Variants in TSPAN9 observed in about 807,000 individuals in gnomAD.
TSPAN9 encodes the protein tetraspanin-9.
A neutral mutation model predicts 31.0 loss-of-function variants in TSPAN9; 16 were observed. That is an observed-to-expected ratio of 0.52 (90% CI 0.35 to 0.78). The LOEUF (loss-of-function observed/expected upper bound fraction) is 0.78, where lower values mean the gene tolerates loss of function less well. TSPAN9 is among the 30% of genes least tolerant of loss of function. The pLI, the probability that TSPAN9 is intolerant of heterozygous loss-of-function variation, is 0.01. For synonymous variants in TSPAN9, 145 were observed against 121.6 expected (o/e 1.19, Z -1.27); for missense variants, 272 against 312.5 (o/e 0.87, Z 0.98).
At chr12:3,132,862 G>T (rs2098330417) in intron 2 of TSPAN9, among the ~76,000 whole-genome samples, 1 of 151,976 alleles carries the variant, frequency 6.6e-6, no homozygotes, top group Non-Finnish European at 1.5e-5. Context: ...TGTCAGGTAG[G>T]TCAGGGTGAG....
chr12:3,224,164 C>T (rs1055566718), intron 3 of TSPAN9, among the ~76,000 whole-genome samples: 6 of 152,216 alleles, frequency 3.9e-5, no homozygotes, highest in Non-Finnish European at 7.3e-5. Flanking sequence ...CAGACATAGC[C>T]TACTCCTTCT....
intron 3 of TSPAN9, among the ~76,000 whole-genome samples, chr12:3,268,705 C>A (rs1204283641): frequency 1.8e-5 from 1 of 55,626 alleles, no homozygotes; most frequent in Non-Finnish European, 3.3e-5. Context: ...GCCTGCCCTC[C>A]GTGCGTTCCT....
At chr12:3,134,830 C>T (rs959994638) in intron 2 of TSPAN9, among the ~76,000 whole-genome samples, 1 of 152,076 alleles carries the variant, frequency 6.6e-6, no homozygotes, top group African/African-American at 2.4e-5. Context: ...CGATCACAGT[C>T]CAGGGTGGAT....
At chr12:3,174,456 T>C (rs1293895159) in intron 2 of TSPAN9, among the ~76,000 whole-genome samples, 1 of 152,230 alleles carries the variant, frequency 6.6e-6, no homozygotes, top group Admixed American at 6.5e-5. Context: ...TGTTAGAAAA[T>C]GAAGAGAGGT....
chr12:3,230,831 C>G (rs1471327952), intron 3 of TSPAN9, among the ~76,000 whole-genome samples: 4 of 152,102 alleles, frequency 2.6e-5, no homozygotes, highest in Admixed American at 2.6e-4. Context: ...TGTTGGAAGG[C>G]TCACCTGTCC....
intron 2 of TSPAN9, among the ~76,000 whole-genome samples, chr12:3,142,409 T>G (rs940409857): frequency 1.3e-5 from 2 of 152,074 alleles, no homozygotes; most frequent in African/African-American, 4.8e-5. Flanking sequence ...TCTCGCCTCC[T>G]CCCTTCCCTG....
At chr12:3,115,570 CG>C (rs2098321895) in intron 2 of TSPAN9, among the ~76,000 whole-genome samples, 1 of 152,182 alleles carries the variant, frequency 6.6e-6, no homozygotes, top group African/African-American at 2.4e-5. Flanking sequence ...GGTCCCAGAT[CG>C]GGGTGCCAGC....
intron 2 of TSPAN9, among the ~76,000 whole-genome samples, chr12:3,176,919 C>T (rs902200909): frequency 3.3e-5 from 5 of 152,080 alleles, no homozygotes; most frequent in African/African-American, 9.7e-5. Flanking sequence ...TGCACAGAGC[C>T]GAGTATTAGG....
intron 3 of TSPAN9, among the ~76,000 whole-genome samples, chr12:3,256,018 C>T (rs1310928234): frequency 6.6e-6 from 1 of 152,202 alleles, no homozygotes; most frequent in South Asian, 2.1e-4. Context: ...TGGTCACCCG[C>T]CTCTTGCAGT....
At position 3,280,435 on chromosome 12, in the gene TSPAN9, C is replaced by T. The variant is rs66501720; in HGVS notation, c.384C>T (p.Thr128=). ...DLKEGLLLYH[T]ENNVGLKNAW... ...AGGAAGGCCTGCTGCTGTACCACACCGAGAACAACGTGGGGCTGAAGAACG... is the reference window on the plus strand; with the variant it reads ...AGGAAGGCCTGCTGCTGTACCACACTGAGAACAACGTGGGGCTGAAGAACG... Residue 128 remains threonine (T), a synonymous_variant, in exon 6 of 9, where the codon ACC becomes ACT. Coordinates refer to ENST00000011898, the MANE Select transcript of TSPAN9 (RefSeq NM_006675.5). This position sits in a 1 kb window ranked among gnomAD's most constrained non-coding sequence, Gnocchi z 4.5. 0.087 allele frequency: 139,826 copies of T among 1,613,140 alleles called. 6,882 individuals carry two copies. The highest frequency in any genetic ancestry group is 0.12 in the Middle Eastern group (731 of 6,058).
At chr12:3,256,666 C>T (rs142717873) in intron 3 of TSPAN9, among the ~76,000 whole-genome samples, 354 of 152,268 alleles carry the variant, frequency 2.3e-3, no homozygotes, top group Non-Finnish European at 3.9e-3. Flanking sequence ...AGCTCCCCAG[C>T]GGCGCCCCTG....
rs1293692874 is a variant in TSPAN9 at position 3,147,483 on chromosome 12, C to T, written c.-17-53694C>T. ...GACGGGAAGTGGCCTCTCCCTCCTTCAGGATCGCCCCCACCTTCCCTGCCC... is the reference window on the plus strand; with the variant it reads ...GACGGGAAGTGGCCTCTCCCTCCTTTAGGATCGCCCCCACCTTCCCTGCCC... On this transcript the variant is annotated intron_variant, in intron 2 of 8. Coordinates refer to ENST00000011898, the MANE Select transcript of TSPAN9 (RefSeq NM_006675.5). The surrounding 1 kb of genome is among the most constrained non-coding windows in gnomAD (Gnocchi z 4.3). Among the ~76,000 whole-genome samples, 5 of 152,056 alleles carry T rather than the reference C, an allele frequency of 3.3e-5. No individual in the cohort carries two copies. Among genetic ancestry groups the T allele is most frequent in the Admixed American group, 2.6e-4 (4 of 15,298 alleles).
At chr12:3,211,514 G>T in intron 3 of TSPAN9, 1 of 657,404 alleles carries the variant, frequency 1.5e-6, no homozygotes, top group Non-Finnish European at 2.5e-6. Flanking sequence ...CAGTCAGCCA[G>T]CCTCTTCCCC....
chr12:3,217,330 C>T (rs116400463), intron 3 of TSPAN9, among the ~76,000 whole-genome samples: 6,114 of 152,202 alleles, frequency 0.04, 421 homozygotes, highest in African/African-American at 0.14. Context: ...TCTACGTGAC[C>T]GGCAAGGGAG....
chr12:3,142,328 G>A (rs2153967844), intron 2 of TSPAN9, among the ~76,000 whole-genome samples: 1 of 152,220 alleles, frequency 6.6e-6, no homozygotes, highest in South Asian at 2.1e-4. Context: ...TCTGTCTGGG[G>A]ACCCCTCCTC....
At chr12:3,247,688 G>T (rs866117225) in intron 3 of TSPAN9, among the ~76,000 whole-genome samples, 5 of 152,294 alleles carry the variant, frequency 3.3e-5, no homozygotes, top group South Asian at 2.1e-4. Context: ...TAGGCTGGGC[G>T]GTTCAAATCT....
rs369881086 is a variant in TSPAN9 at position 3,198,659 on chromosome 12, C to G, written c.-17-2518C>G. On this transcript the variant is annotated intron_variant, in intron 2 of 8. Transcript: ENST00000011898. ...CCAGCACAGCTCACCACCAGCACAGCTCACCACCAGCACAGGCCACCACCA... is the reference window on the plus strand; with the variant it reads ...CCAGCACAGCTCACCACCAGCACAGGTCACCACCAGCACAGGCCACCACCA... Among the ~76,000 whole-genome samples the G allele has an allele frequency of 3.8e-3, 89 of 23,720 alleles. 1 individual carries two copies. Among genetic ancestry groups the G allele is most frequent in the African/African-American group, 9.2e-3 (51 of 5,516 alleles). The allele number at this position is 23,720 out of a possible 152,430, so 15.6% of individuals were successfully genotyped here. A position where few individuals can be genotyped will look rare whatever the true frequency, so the allele number is the denominator to read the frequency against.
intron 3 of TSPAN9, among the ~76,000 whole-genome samples, chr12:3,259,457 A>G (rs1195045381): frequency 1.3e-5 from 2 of 152,170 alleles, no homozygotes; most frequent in Non-Finnish European, 2.9e-5. Flanking sequence ...AGCCCTTACC[A>G]TGTGCCTGGC....
intron 2 of TSPAN9, among the ~76,000 whole-genome samples, chr12:3,174,822 T>C (rs1232186102): frequency 1.3e-5 from 2 of 151,578 alleles, no homozygotes; most frequent in Non-Finnish European, 2.9e-5. Flanking sequence ...GACCTCGTGA[T>C]CCTCCCGCCT....
Sources: gnomAD v4.1 joint callset for allele counts (sites outside exome capture counted in the v4.1 genomes callset) on GRCh38, gnomAD v4.1.1 for gene constraint, Gnocchi (gnomAD v3.1) non-coding constraint, MANE v1.5 for transcripts, NCBI Gene and HGNC (gene_info 2026-07-23, HGNC 2026-07-21) for gene names.